CACNA1D: variants seen among roughly 807,000 people sequenced by gnomAD.
CACNA1D encodes calcium voltage-gated channel subunit alpha1 D, also known as voltage-dependent L-type calcium channel subunit alpha-1D.
Under a neutral mutation model 257.1 loss-of-function variants are expected in CACNA1D, and 55 were observed. The observed-to-expected ratio is 0.21, with a 90% CI of 0.17 to 0.27. CACNA1D has a LOEUF of 0.27. Among genes scored for constraint, CACNA1D ranks in the 10% least tolerant of loss-of-function variants. The pLI is 1.00. For synonymous variants in CACNA1D, 980 were observed against 1,014.9 expected, an observed-to-expected ratio of 0.97 and a Z score of 0.65; for missense variants, 1,876 against 2,784.0, an observed-to-expected ratio of 0.67 and a Z score of 7.34.
At position 53,801,067 on chromosome 3, in the gene CACNA1D, G is replaced by A. The variant is rs1322501661; in HGVS notation, c.5050G>A (p.Ala1684Thr). The A allele has an allele frequency of 6.2e-7, 1 of 1,613,820 alleles. No individual in the cohort carries two copies. The change falls in exon 42 of 48, where the codon GCC becomes ACC. Residue 1684 changes from alanine to threonine, a missense_variant. Ala to Thr is a moderately conservative substitution (Grantham distance 58). Coordinates refer to ENST00000350061, the MANE Select transcript of CACNA1D (RefSeq NM_001128840.3). ...EEDDVFKRNG[A>T]LLGNHVNHVN... ...TCCCATTATTTTGCAGAGAAATGGTGCCCTGCTTGGAAACCATGTCAATCA... is the reference window on the plus strand; with the variant it reads ...TCCCATTATTTTGCAGAGAAATGGTACCCTGCTTGGAAACCATGTCAATCA...
chr3:53,575,710 TG>T (rs55925692), intron 3 of CACNA1D, among the ~76,000 whole-genome samples: 19,764 of 152,168 alleles, frequency 0.13, 1,417 homozygotes, highest in Middle Eastern at 0.24. Flanking sequence ...ATACACCAAT[TG>T]GTTTAATGTA....
At chr3:53,633,387 G>A (rs1374343912) in intron 3 of CACNA1D, among the ~76,000 whole-genome samples, 4 of 152,178 alleles carry the variant, frequency 2.6e-5, no homozygotes, top group African/African-American at 4.8e-5. Flanking sequence ...CTCGGGAGGC[G>A]GAGGTTGTAA....
intron 30 of CACNA1D, among the ~76,000 whole-genome samples, chr3:53,766,947 C>T (rs966369203): frequency 1.3e-5 from 2 of 152,188 alleles, no homozygotes; most frequent in East Asian, 1.9e-4. Context: ...TCCAGCATAG[C>T]GTAGCCCACT....
chr3:53,597,847 G>A (rs1465051800), intron 3 of CACNA1D, among the ~76,000 whole-genome samples: 1 of 152,162 alleles, frequency 6.6e-6, no homozygotes. Context: ...TTGTAACTCT[G>A]GGGAAAAGGG....
chr3:53,519,031 T>A (rs2091453002), intron 3 of CACNA1D, among the ~76,000 whole-genome samples: 1 of 152,174 alleles, frequency 6.6e-6, no homozygotes. Context: ...CCCAGGAAAA[T>A]GGGAAAGTAA....
chr3:53,753,231 A>T (rs1009059552), intron 28 of CACNA1D, among the ~76,000 whole-genome samples: 1 of 152,232 alleles, frequency 6.6e-6, no homozygotes, highest in Non-Finnish European at 1.5e-5. Flanking sequence ...ACCAAATTCT[A>T]CCTCTATTCA....
chr3:53,767,180 C>G (rs1449102483), intron 30 of CACNA1D, among the ~76,000 whole-genome samples: 1 of 152,190 alleles, frequency 6.6e-6, no homozygotes, highest in Non-Finnish European at 1.5e-5. Context: ...TATAGGCCAC[C>G]TGTTAACTAC....
In CACNA1D at chr3:53,780,057, G is replaced by A. The variant is rs1341261201; in HGVS notation, c.4619G>A (p.Ser1540Asn). 1 of 1,614,062 alleles carries A rather than the reference G, an allele frequency of 6.2e-7. No homozygotes were observed. The highest frequency in any genetic ancestry group is 1.1e-5 in the South Asian group (1 of 91,082). The part of the protein sequence containing the change: ...RLVAMNMPLN[S>N]DGTVMFNATL... ...GTTGCCATGAACATGCCTCTCAACA[G>A]TGACGGGACAGTCATGTTTAATGCA... Residue 1540 changes from serine to asparagine, a missense_variant, in exon 38 of 48, where the codon AGT (serine) becomes AAT (asparagine). Physicochemically the swap from Ser to Asn is conservative, Grantham distance 46 (BLOSUM62 1). This residue lies in a region of CACNA1D where 83 missense variants were observed against 210.7 expected (regional missense o/e 0.39). Transcript: ENST00000350061.
At chr3:53,628,036 TA>T (rs1274028013) in intron 3 of CACNA1D, among the ~76,000 whole-genome samples, 6 of 151,794 alleles carry the variant, frequency 4.0e-5, no homozygotes, top group East Asian at 1.9e-4. Context: ...AATAAATAAA[TA>T]AAATAAAATA....
At chr3:53,801,880 C>A (rs2095538050) in intron 42 of CACNA1D, among the ~76,000 whole-genome samples, 1 of 152,198 alleles carries the variant, frequency 6.6e-6, no homozygotes, top group African/African-American at 2.4e-5. Context: ...TCCCTATGGT[C>A]ACTGAAATTT....
intron 7 of CACNA1D, among the ~76,000 whole-genome samples, chr3:53,668,454 G>C (rs537526758): frequency 1.4e-4 from 22 of 152,074 alleles, no homozygotes; most frequent in Non-Finnish European, 2.8e-4. Context: ...TGACAATCAC[G>C]TGGTTAATAC....
chr3:53,800,722 A>T lies in CACNA1D; in HGVS notation c.5041-336A>T. The stretch of plus-strand genomic sequence containing the variant: ...CTCTTTGATCTGCCAGCTGGCTGTC[A>T]GTCCCCCAGCCCAGAGAGCATGCCC... On this transcript the variant is annotated intron_variant, in intron 41 of 47. Transcript: ENST00000350061. This position sits in a 1 kb window ranked among gnomAD's most constrained non-coding sequence, Gnocchi z 4.3. 1 of 499,390 alleles carries T rather than the reference A, an allele frequency of 2.0e-6. No homozygotes were observed. The highest frequency in any genetic ancestry group is 2.0e-5 in the South Asian group (1 of 49,254). The allele number at this position is 499,390 out of a possible 1,614,324, so 30.9% of individuals were successfully genotyped here.
Position 53,495,316 on chromosome 3 carries a change from T to G in CACNA1D, c.67+83T>G. ...GCCCCCTCCCCCTTCCCCGCGGCGC[T>G]GGATGGGTTGAGGGGGTTGGAGAGG... On this transcript the variant is annotated intron_variant, in intron 1 of 47. Coordinates refer to ENST00000350061, the MANE Select transcript of CACNA1D (RefSeq NM_001128840.3). The surrounding 1 kb of genome is among the most constrained non-coding windows in gnomAD (Gnocchi z 5.1). The G allele has an allele frequency of 8.6e-6, 13 of 1,513,774 alleles. No individual in the cohort carries two copies. Among genetic ancestry groups the G allele is most frequent in the Non-Finnish European group, 1.2e-5 (13 of 1,092,258 alleles). 93.8% of individuals were successfully genotyped at this position (1,513,774 alleles called of 1,614,324 possible).
intron 8 of CACNA1D, among the ~76,000 whole-genome samples, chr3:53,685,126 TA>T (rs1377057270): frequency 6.6e-6 from 1 of 152,128 alleles, no homozygotes. Flanking sequence ...TAAGATGCTA[TA>T]AAGACATGGA....
intron 26 of CACNA1D, 145 bp downstream of exon 26, chr3:53,747,593 C>T: frequency 1.2e-6 from 1 of 817,644 alleles, no homozygotes; most frequent in Admixed American, 2.0e-5. Flanking sequence ...TTCTCAGTCA[C>T]TTCTTGACCC....
chr3:53,741,448 GGTTA>G (rs1385623454), intron 21 of CACNA1D, among the ~76,000 whole-genome samples: 1 of 152,134 alleles, frequency 6.6e-6, no homozygotes, highest in Non-Finnish European at 1.5e-5. Context: ...GGAATGAGGT[GGTTA>G]GTTTTTTGAG....
chr3:53,536,183 C>G (rs2092110334), intron 3 of CACNA1D, among the ~76,000 whole-genome samples: 1 of 152,112 alleles, frequency 6.6e-6, no homozygotes, highest in African/African-American at 2.4e-5. Flanking sequence ...CCAAAAGGGG[C>G]TGAAAAGTTT....
chr3:53,673,144 C>A lies in CACNA1D; in HGVS notation c.1220+18C>A, dbSNP rs147437617. The stretch of plus-strand genomic sequence containing the variant: ...TTGAGCGGGTAAGCTACACCTCTTT[C>A]ATCTTGAAAGCAGAGTCCTGAGGAC... On this transcript the variant is annotated intron_variant, in intron 8 of 47. Coordinates refer to ENST00000350061, the MANE Select transcript of CACNA1D (RefSeq NM_001128840.3). This position sits in a 1 kb window ranked among gnomAD's most constrained non-coding sequence, Gnocchi z 4.1. The A allele has an allele frequency of 3.9e-4, 590 of 1,502,610 alleles. 4 individuals are homozygous for A. The African/African-American group carries it at 7.1e-3, about 18-fold the overall frequency. The allele number at this position is 1,502,610 out of a possible 1,614,324, so 93.1% of individuals were successfully genotyped here. A position where few individuals can be genotyped will look rare whatever the true frequency, so the allele number is the denominator to read the frequency against.
At chr3:53,668,115 T>TC (rs994475606) in intron 7 of CACNA1D, among the ~76,000 whole-genome samples, 5 of 152,070 alleles carry the variant, frequency 3.3e-5, no homozygotes, top group African/African-American at 1.2e-4. Flanking sequence ...ATACTTCCCC[T>TC]CCCCAAACAG....
Sources: gnomAD v4.1 joint callset for allele counts (sites outside exome capture counted in the v4.1 genomes callset) on GRCh38, gnomAD v4.1.1 for gene constraint, gnomAD v4.1.1 regional missense constraint, Gnocchi (gnomAD v3.1) non-coding constraint, MANE v1.5 for transcripts, NCBI Gene and HGNC (gene_info 2026-07-23, HGNC 2026-07-21) for gene names.